Variants in MFHAS1 observed in about 807,000 individuals in gnomAD.
The protein encoded by MFHAS1 is multifunctional ROCO family signaling regulator 1.
A neutral mutation model predicts 70.4 loss-of-function variants in MFHAS1; 50 were observed. That is an observed-to-expected ratio of 0.71 (90% CI 0.57 to 0.90). MFHAS1 has a LOEUF of 0.90. Ranked by LOEUF, MFHAS1 falls within the 40% of genes least tolerant of loss-of-function variation. MFHAS1 has a pLI of 0.00. For missense variants in MFHAS1, 1,795 were observed against 1,347.6 expected (o/e 1.33, Z -5.20); for synonymous variants, 952 against 620.0 (o/e 1.54, Z -7.96).
intron 1 of MFHAS1, among the ~76,000 whole-genome samples, chr8:8,884,039 C>CAAA (rs1809646929): frequency 9.7e-6 from 1 of 102,792 alleles, no homozygotes; most frequent in Non-Finnish European, 2.0e-5. Context: ...CTCTATTTCA[C>CAAA]AAACACACAC....
At position 8,884,227 on chromosome 8, in the gene MFHAS1, C is replaced by A. The variant is rs180856484; in HGVS notation, c.2998+5834G>T. Among the ~76,000 whole-genome samples, 367 of 152,230 alleles carry A rather than the reference C, an allele frequency of 2.4e-3. 2 individuals carry two copies. The highest frequency in any genetic ancestry group is 8.5e-3 in the African/African-American group (352 of 41,538). On this transcript the variant is annotated intron_variant, in intron 1 of 2. Coordinates refer to ENST00000276282, the MANE Select transcript of MFHAS1 (RefSeq NM_004225.3). ...CAAATACTCCAAAGGCCTTTCTAGCCTTCTAGAACTCTATTCTGCACAGTA... is the reference window on the plus strand; with the variant it reads ...CAAATACTCCAAAGGCCTTTCTAGCATTCTAGAACTCTATTCTGCACAGTA...
intron 1 of MFHAS1, among the ~76,000 whole-genome samples, chr8:8,883,555 A>G: frequency 6.6e-6 from 1 of 151,728 alleles, no homozygotes. Context: ...TAAAATTACA[A>G]AAATTAGCTG....
rs201122750 is a variant in MFHAS1 at position 8,880,677 on chromosome 8, CT to C, written c.2998+9383del. On this transcript the variant is annotated intron_variant, in intron 1 of 2. Coordinates refer to ENST00000276282, the MANE Select transcript of MFHAS1 (RefSeq NM_004225.3). The stretch of plus-strand genomic sequence containing the variant: ...TCGGTCTAGGGCAGGACATCCCTTC[CT>C]TTTTTGTTTTTTTTTTTTTTCCCCC... Among the ~76,000 whole-genome samples the C allele has an allele frequency of 2.8e-5, 4 of 142,912 alleles. No individual in the cohort carries two copies. In the East Asian group the frequency reaches 8.7e-4, roughly 31 times the overall value. The allele number at this position is 142,912 out of a possible 152,430, so 93.8% of individuals were successfully genotyped here. A position where few individuals can be genotyped will look rare whatever the true frequency, so the allele number is the denominator to read the frequency against.
chr8:8,867,869 AC>A (rs1808923439), intron 1 of MFHAS1, among the ~76,000 whole-genome samples: 1 of 152,034 alleles, frequency 6.6e-6, no homozygotes, highest in South Asian at 2.1e-4. Context: ...AAATTGCTAT[AC>A]TTTTTTAGTA....
chr8:8,887,789 G>A (rs1389336195), intron 1 of MFHAS1, among the ~76,000 whole-genome samples: 2 of 143,868 alleles, frequency 1.4e-5, no homozygotes, highest in Admixed American at 1.4e-4. Flanking sequence ...CTGCATCTCA[G>A]TACAAGCTTG....
At chr8:8,880,654 G>C (rs75525312) in intron 1 of MFHAS1, among the ~76,000 whole-genome samples, 1 of 151,618 alleles carries the variant, frequency 6.6e-6, no homozygotes, top group Admixed American at 6.6e-5. Flanking sequence ...GGGGGCTGTC[G>C]GTCTAGGGCA....
At chr8:8,836,477 C>T (rs935678765) in intron 1 of MFHAS1, among the ~76,000 whole-genome samples, 3 of 152,044 alleles carry the variant, frequency 2.0e-5, no homozygotes, top group African/African-American at 7.2e-5. Context: ...CTCCCGGGCT[C>T]GAGTGAACCT....
At chr8:8,869,624 A>T (rs1270004039) in intron 1 of MFHAS1, among the ~76,000 whole-genome samples, 1 of 152,180 alleles carries the variant, frequency 6.6e-6, no homozygotes, top group African/African-American at 2.4e-5. Flanking sequence ...TAATAAACCA[A>T]TTAAGCTAGC....
At chr8:8,825,963 T>C (rs1224763266) in intron 1 of MFHAS1, among the ~76,000 whole-genome samples, 2 of 152,176 alleles carry the variant, frequency 1.3e-5, no homozygotes, top group Admixed American at 1.3e-4. Flanking sequence ...CATTTTGCAG[T>C]TGAGGCTGAA....
chr8:8,893,106 C>T lies in MFHAS1; in HGVS notation c.-48G>A. 3.7e-6 allele frequency: 5 copies of T among 1,335,694 alleles called. No homozygotes were observed. Among genetic ancestry groups the T allele is most frequent in the Non-Finnish European group, 4.9e-6 (5 of 1,030,136 alleles). 82.7% of individuals were successfully genotyped at this position (1,335,694 alleles called of 1,614,324 possible). A position where few individuals can be genotyped will look rare whatever the true frequency, so the allele number is the denominator to read the frequency against. ...CTCACGCGGACGCGGGAGCCCGCAG[C>T]TACATGCCGCGCCGCGCCCCGGGCC... On this transcript the variant is annotated 5_prime_UTR_variant, in exon 1 of 3. An upstream open reading frame in the 5' UTR loses its in-frame stop. Transcript: ENST00000276282.
Position 8,869,939 on chromosome 8 carries a change from G to C in MFHAS1, c.2998+20122C>G, listed in dbSNP as rs149865287. Reference sequence around the variant, plus strand: ...TTATTATTGTCTGAATTACCTCTAAGTGGTCCCTCTGACTCCATTCTTACT... The same window carrying C: ...TTATTATTGTCTGAATTACCTCTAACTGGTCCCTCTGACTCCATTCTTACT... On this transcript the variant is annotated intron_variant, in intron 1 of 2. Coordinates refer to ENST00000276282, the MANE Select transcript of MFHAS1 (RefSeq NM_004225.3). Among the ~76,000 whole-genome samples the C allele has an allele frequency of 7.4e-3, 1,122 of 152,184 alleles. 12 individuals are homozygous for C. Among genetic ancestry groups the C allele is most frequent in the South Asian group, 0.012 (60 of 4,814 alleles).
At chr8:8,800,356 T>A (rs1421250270) in intron 1 of MFHAS1, among the ~76,000 whole-genome samples, 1 of 152,194 alleles carries the variant, frequency 6.6e-6, no homozygotes, top group African/African-American at 2.4e-5. Flanking sequence ...AATATAAAAA[T>A]GCAAGTTAAA....
chr8:8,826,211 A>G (rs908270144), intron 1 of MFHAS1, among the ~76,000 whole-genome samples: 2 of 151,442 alleles, frequency 1.3e-5, no homozygotes, highest in Non-Finnish European at 1.5e-5. Context: ...CCCATTTCTC[A>G]GGCGCCTTCC....
intron 2 of MFHAS1, among the ~76,000 whole-genome samples, chr8:8,792,929 T>A (rs947365838): frequency 6.6e-6 from 1 of 152,220 alleles, no homozygotes; most frequent in Admixed American, 6.5e-5. Flanking sequence ...GTTCACCTCA[T>A]CTTAAATGCA....
At chr8:8,873,392 G>T (rs959904764) in intron 1 of MFHAS1, among the ~76,000 whole-genome samples, 2 of 151,918 alleles carry the variant, frequency 1.3e-5, no homozygotes, top group African/African-American at 4.8e-5. Flanking sequence ...CCTGACTGGG[G>T]ACTTTGTTAG....
chr8:8,860,196 GAACAA>G (rs2116888109), intron 1 of MFHAS1, among the ~76,000 whole-genome samples: 1 of 152,310 alleles, frequency 6.6e-6, no homozygotes, highest in African/African-American at 2.4e-5. Context: ...AAAGAGCACA[GAACAA>G]AAGATGGAAA....
chr8:8,877,844 T>C (rs1433175281), intron 1 of MFHAS1, among the ~76,000 whole-genome samples: 2 of 152,304 alleles, frequency 1.3e-5, no homozygotes, highest in East Asian at 3.9e-4. Flanking sequence ...GGCAAGTGTC[T>C]ACCAGTCCAT....
intron 1 of MFHAS1, among the ~76,000 whole-genome samples, chr8:8,848,180 T>C (rs1808103271): frequency 6.6e-6 from 1 of 152,084 alleles, no homozygotes; most frequent in Non-Finnish European, 1.5e-5. Context: ...GCTCCCAGAG[T>C]GTTCCACCTG....
At chr8:8,877,377 G>A (rs1809338580) in intron 1 of MFHAS1, among the ~76,000 whole-genome samples, 2 of 150,732 alleles carry the variant, frequency 1.3e-5, no homozygotes, top group Admixed American at 6.6e-5. Context: ...TCAGTGAGTA[G>A]TGTCACACAC....
Sources: allele counts gnomAD v4.1 joint callset (sites outside exome capture counted in the v4.1 genomes callset), GRCh38; gene constraint gnomAD v4.1.1; transcripts MANE v1.5; gene names NCBI Gene and HGNC (gene_info 2026-07-23, HGNC 2026-07-21).